Variants in CALD1 observed in about 807,000 individuals in gnomAD.
CALD1 encodes the protein caldesmon.
A neutral mutation model predicts 99.9 loss-of-function variants in CALD1; 33 were observed. That is an observed-to-expected ratio of 0.33 (90% confidence interval 0.25 to 0.44). The LOEUF is 0.44. CALD1 is among the 20% of genes least tolerant of loss of function. CALD1 has a pLI of 1.00. For missense variants in CALD1, 861 were observed against 962.1 expected (o/e 0.89, Z 1.39); for synonymous variants, 310 against 325.0 (o/e 0.95, Z 0.50).
chr7:134,947,406 T>C, intron 7 of CALD1, 102 bp from the exon 8 acceptor site: 1 of 1,184,160 alleles, frequency 8.4e-7, no homozygotes, highest in Non-Finnish European at 1.2e-6. Context: ...AGGCAGTGGG[T>C]ATTTAGTCGG....
chr7:134,793,819 ATT>A (rs77046504), intron 1 of CALD1, among the ~76,000 whole-genome samples: 25 of 141,172 alleles, frequency 1.8e-4, no homozygotes, highest in African/African-American at 5.1e-4. Context: ...TTTATGTACC[ATT>A]TTTTTTTTTT....
intron 2 of CALD1, among the ~76,000 whole-genome samples, chr7:134,866,365 C>A (rs1385244308): frequency 6.6e-6 from 1 of 152,056 alleles, no homozygotes; most frequent in Non-Finnish European, 1.5e-5. Flanking sequence ...AAATTTAAAA[C>A]CCCAAATAAA....
intron 2 of CALD1, among the ~76,000 whole-genome samples, chr7:134,848,662 T>C (rs987713264): frequency 1.4e-4 from 21 of 152,176 alleles, no homozygotes; most frequent in Non-Finnish European, 2.8e-4. Context: ...TCTAGGAGTA[T>C]TTTCTCCAAG....
At chr7:134,795,139 C>G (rs57143012) in intron 1 of CALD1, among the ~76,000 whole-genome samples, 1 of 151,108 alleles carries the variant, frequency 6.6e-6, no homozygotes, top group Admixed American at 6.6e-5. Flanking sequence ...TTTTCTTTCT[C>G]TTTTTTTTTC....
At chr7:134,745,142 G>A (rs533484221) in intron 1 of CALD1, among the ~76,000 whole-genome samples, 1 of 152,290 alleles carries the variant, frequency 6.6e-6, no homozygotes, top group Non-Finnish European at 1.5e-5. Context: ...CACTTCTGCT[G>A]TACAGCAGTA....
At position 134,968,856 on chromosome 7, in the gene CALD1, C is replaced by A; in HGVS notation, c.*511C>A. The A allele has an allele frequency of 5.9e-6, 1 of 169,488 alleles. No individual in the cohort carries two copies. The allele number at this position is 169,488 out of a possible 1,614,324, so 10.5% of individuals were successfully genotyped here. A position where few individuals can be genotyped will look rare whatever the true frequency, so the allele number is the denominator to read the frequency against. ...TTTGAAATACTGCAATAATGGTTGT[C>A]TTTAAAAAAAAAAAAGAAATGTACT... On this transcript the variant is annotated 3_prime_UTR_variant, in exon 15 of 15. Transcript: ENST00000361675.
rs200007624 is a variant in CALD1 at position 134,925,923 on chromosome 7, T to A, written c.72-2831T>A. Among the ~76,000 whole-genome samples the A allele has an allele frequency of 1.2e-4, 18 of 152,314 alleles. No homozygotes were observed. In the East Asian group the frequency reaches 2.3e-3, roughly 20 times the overall value. On this transcript the variant is annotated intron_variant, in intron 3 of 14. Coordinates refer to ENST00000361675, the MANE Select transcript of CALD1 (RefSeq NM_033138.4). ...ATTGAGACTTCCTGTTTGATTAGTT[T>A]AGGAAGCAGTTATTAAGGATTGATT...
chr7:134,863,739 C>A (rs1800666646), intron 2 of CALD1, among the ~76,000 whole-genome samples: 1 of 152,064 alleles, frequency 6.6e-6, no homozygotes. Context: ...GAAAGATGCA[C>A]ATCAGCTATT....
intron 1 of CALD1, among the ~76,000 whole-genome samples, chr7:134,751,924 C>T (rs749864301): frequency 8.6e-5 from 13 of 151,940 alleles, no homozygotes; most frequent in East Asian, 1.9e-4. Flanking sequence ...TGCAGTGAGC[C>T]GAGATCGTGC....
At chr7:134,897,267 C>A (rs983171418) in intron 3 of CALD1, among the ~76,000 whole-genome samples, 6 of 151,808 alleles carry the variant, frequency 4.0e-5, no homozygotes, top group Admixed American at 3.9e-4. Context: ...TTCTGACCTC[C>A]CACCCAGCTT....
intron 1 of CALD1, among the ~76,000 whole-genome samples, chr7:134,763,028 A>C (rs920151961): frequency 2.6e-4 from 40 of 152,188 alleles, no homozygotes; most frequent in African/African-American, 9.7e-4. Context: ...CTAGGACCAT[A>C]TCTCTATCTA....
At chr7:134,951,065 G>C (rs1052299859) in intron 9 of CALD1, among the ~76,000 whole-genome samples, 1 of 152,182 alleles carries the variant, frequency 6.6e-6, no homozygotes, top group Non-Finnish European at 1.5e-5. Context: ...CCTTCTCCCT[G>C]TGTCCTTACA....
chr7:134,732,803 A>G, the CALD1 span, among the ~76,000 whole-genome samples: 1 of 152,272 alleles, frequency 6.6e-6, no homozygotes, highest in African/African-American at 2.4e-5. Context: ...ATCTAAAGAC[A>G]GCAAGTAACA....
At chr7:134,929,621 C>CACACACATATACACACAT in intron 4 of CALD1, among the ~76,000 whole-genome samples, 16 of 4,220 alleles carry the variant, frequency 3.8e-3, no homozygotes, top group East Asian at 0.17. Flanking sequence ...TGTATATATA[C>CACACACATATACACACAT]GTGTGTGTGT....
At chr7:134,811,163 C>G (rs538629273) in intron 1 of CALD1, among the ~76,000 whole-genome samples, 1 of 152,178 alleles carries the variant, frequency 6.6e-6, no homozygotes, top group Non-Finnish European at 1.5e-5. Flanking sequence ...CTTGTATATC[C>G]TGCCCTCAAT....
At chr7:134,935,867 C>T (rs1805933469) in intron 6 of CALD1, 102 bp downstream of exon 6, 2 of 1,135,236 alleles carry the variant, frequency 1.8e-6, no homozygotes, top group Non-Finnish European at 2.5e-6. Flanking sequence ...ACCTCATATC[C>T]AGTGTATTTC....
rs915070592 is a variant in CALD1 at position 134,783,935 on chromosome 7, T to A, written c.-130+4186T>A. Among the ~76,000 whole-genome samples the A allele has an allele frequency of 6.6e-6, 1 of 152,162 alleles. No individual in the cohort carries two copies. Among genetic ancestry groups the A allele is most frequent in the Non-Finnish European group, 1.5e-5 (1 of 68,032 alleles). On this transcript the variant is annotated intron_variant, in intron 1 of 14. Coordinates refer to ENST00000361675, the MANE Select transcript of CALD1 (RefSeq NM_033138.4). This position sits in a 1 kb window ranked among gnomAD's most constrained non-coding sequence, Gnocchi z 4.3. ...GTCATTTCCAGAAAAGAAGCAATTT[T>A]CTATGGGGAGCTCGTGGGGGCTAGA...
chr7:134,790,731 T>A (rs759109454), intron 1 of CALD1, among the ~76,000 whole-genome samples: 1 of 152,188 alleles, frequency 6.6e-6, no homozygotes, highest in South Asian at 2.1e-4. Context: ...AGTAGTTTTG[T>A]GTTTTCTTTT....
chr7:134,949,756 G>A (rs1244181338), intron 8 of CALD1, among the ~76,000 whole-genome samples: 1 of 152,056 alleles, frequency 6.6e-6, no homozygotes, highest in Non-Finnish European at 1.5e-5. Flanking sequence ...CAGGATGGTG[G>A]TGATTATGTA....
Sources: allele counts gnomAD v4.1 joint callset (sites outside exome capture counted in the v4.1 genomes callset), GRCh38; gene constraint gnomAD v4.1.1; non-coding constraint Gnocchi (gnomAD v3.1); transcripts MANE v1.5; gene names NCBI Gene and HGNC (gene_info 2026-07-23, HGNC 2026-07-21).